The following CTNNA3 variants were observed in gnomAD, a reference collection of about 807,000 sequenced individuals.
CTNNA3 encodes the protein catenin alpha-3.
A neutral mutation model predicts 95.7 loss-of-function variants in CTNNA3; 76 were observed. That is an observed-to-expected ratio of 0.79 (90% confidence interval 0.66 to 0.96). The LOEUF (loss-of-function observed/expected upper bound fraction) is 0.96. CTNNA3 is among the 40% of genes least tolerant of loss of function. CTNNA3 has a pLI of 0.00. For missense variants in CTNNA3, 1,191 were observed against 1,089.8 expected, an observed-to-expected ratio of 1.09 and a Z score of -1.31; for synonymous variants, 431 against 374.4, an observed-to-expected ratio of 1.15 and a Z score of -1.74.
chr10:66,346,232 TATATATATATATATAGAGAGAGAG>T (rs1429918333), intron 12 of CTNNA3, among the ~76,000 whole-genome samples: 845 of 61,144 alleles, frequency 0.014, 3 homozygotes, highest in African/African-American at 0.038. Flanking sequence ...TATATATATA[TATATATATATATATAGAGAGAGAG>T]AGAGAGAGAG....
intron 10 of CTNNA3, among the ~76,000 whole-genome samples, chr10:66,568,534 G>A (rs1310410252): frequency 2.6e-5 from 4 of 151,926 alleles, no homozygotes; most frequent in African/African-American, 9.7e-5. Flanking sequence ...ATATATCTTG[G>A]GGGTGGCCAC....
intron 7 of CTNNA3, among the ~76,000 whole-genome samples, chr10:66,788,052 C>G (rs1840817225): frequency 6.6e-6 from 1 of 152,272 alleles, no homozygotes; most frequent in South Asian, 2.1e-4. Flanking sequence ...CTTAGGTTTA[C>G]AAGTCAAACT....
intron 7 of CTNNA3, among the ~76,000 whole-genome samples, chr10:66,917,857 T>G (rs893495551): frequency 6.6e-6 from 1 of 152,236 alleles, no homozygotes; most frequent in African/African-American, 2.4e-5. Flanking sequence ...GAACACTGAC[T>G]GACTTTACAT....
chr10:66,407,508 G>A (rs1456898505), intron 11 of CTNNA3, among the ~76,000 whole-genome samples: 1 of 151,796 alleles, frequency 6.6e-6, no homozygotes, highest in Non-Finnish European at 1.5e-5. Flanking sequence ...TTCTTTCTTA[G>A]TTCTTTAATT....
chr10:67,480,465 G>T (rs1333813599), intron 5 of CTNNA3, among the ~76,000 whole-genome samples: 1 of 152,196 alleles, frequency 6.6e-6, no homozygotes, highest in Non-Finnish European at 1.5e-5. Flanking sequence ...TGGCTTGATG[G>T]CTATGATGCC....
intron 9 of CTNNA3, among the ~76,000 whole-genome samples, chr10:66,728,554 A>G: frequency 6.6e-6 from 1 of 151,686 alleles, no homozygotes; most frequent in East Asian, 1.9e-4. Context: ...TAGCGTTTTT[A>G]TATTACAGTT....
chr10:66,867,097 G>A (rs760540032), intron 7 of CTNNA3, among the ~76,000 whole-genome samples: 8 of 150,670 alleles, frequency 5.3e-5, no homozygotes, highest in African/African-American at 7.5e-5. Flanking sequence ...CCCTGGCCAC[G>A]TGGAACTGTG....
At position 65,996,123 on chromosome 10, in the gene CTNNA3, G is replaced by A. The variant is rs534140593; in HGVS notation, c.2160-7326C>T. Among the ~76,000 whole-genome samples the A allele has an allele frequency of 3.3e-5, 5 of 152,298 alleles. No individual in the cohort carries two copies. The East Asian group carries it at 5.8e-4, about 18-fold the overall frequency. On this transcript the variant is annotated intron_variant, in intron 15 of 17. Transcript: ENST00000433211. ...TCAGTGACAGCAGCCACAGCCAGTT[G>A]GCTCTCAGGCTCTTGGAAGTATACG...
chr10:66,773,920 C>T (rs1840192703), intron 8 of CTNNA3, among the ~76,000 whole-genome samples: 1 of 152,092 alleles, frequency 6.6e-6, no homozygotes, highest in Admixed American at 6.5e-5. Context: ...AGATGAACAA[C>T]TTTTTAAATA....
At chr10:66,982,322 AAC>A (rs1341781745) in intron 7 of CTNNA3, among the ~76,000 whole-genome samples, 1 of 152,206 alleles carries the variant, frequency 6.6e-6, no homozygotes, top group Admixed American at 6.5e-5. Flanking sequence ...TTTGGAGTCA[AAC>A]AGAATTAGTT....
At chr10:67,372,533 C>G (rs1369738499) in intron 5 of CTNNA3, among the ~76,000 whole-genome samples, 1 of 152,148 alleles carries the variant, frequency 6.6e-6, no homozygotes, top group African/African-American at 2.4e-5. Flanking sequence ...GAGAATGGAA[C>G]CAAGTTGGAA....
chr10:66,324,908 A>G (rs1055352397), intron 12 of CTNNA3, among the ~76,000 whole-genome samples: 4 of 122,600 alleles, frequency 3.3e-5, no homozygotes, highest in Non-Finnish European at 7.2e-5. Flanking sequence ...TCATAATTTT[A>G]CAACAAAACA....
intron 13 of CTNNA3, among the ~76,000 whole-genome samples, chr10:66,221,844 G>C (rs2088946648): frequency 6.6e-6 from 1 of 152,162 alleles, no homozygotes. Context: ...GCTACAATTT[G>C]TCAGTCAAGT....
At chr10:67,501,127 C>T (rs183689197) in intron 5 of CTNNA3, among the ~76,000 whole-genome samples, 133 of 152,258 alleles carry the variant, frequency 8.7e-4, no homozygotes, top group Non-Finnish European at 1.3e-3. Flanking sequence ...CATATTAGTG[C>T]TTCCTTCAGA....
At chr10:66,003,329 G>GTGT (rs1554828016) in intron 15 of CTNNA3, among the ~76,000 whole-genome samples, 1 of 149,846 alleles carries the variant, frequency 6.7e-6, no homozygotes, top group Non-Finnish European at 1.5e-5. Context: ...TGGTGGTGGT[G>GTGT]GTGTGTGTGT....
intron 3 of CTNNA3, among the ~76,000 whole-genome samples, chr10:67,547,706 C>A (rs1055932325): frequency 7.9e-5 from 12 of 152,012 alleles, no homozygotes; most frequent in African/African-American, 2.7e-4. Context: ...AGAGTGAAAC[C>A]CAAAGGAGCA....
At chr10:66,216,783 T>G (rs1671638532) in intron 13 of CTNNA3, among the ~76,000 whole-genome samples, 1 of 152,180 alleles carries the variant, frequency 6.6e-6, no homozygotes, top group African/African-American at 2.4e-5. Context: ...CCCAGTTTCT[T>G]CCAATGGTTC....
chr10:66,259,180 C>T (rs2090903474), intron 13 of CTNNA3, among the ~76,000 whole-genome samples: 1 of 152,170 alleles, frequency 6.6e-6, no homozygotes, highest in Non-Finnish European at 1.5e-5. Context: ...CAGCAACTTC[C>T]ATTTACATGG....
chr10:66,197,711 A>G (rs1372621395), intron 13 of CTNNA3, among the ~76,000 whole-genome samples: 1 of 152,176 alleles, frequency 6.6e-6, no homozygotes, highest in Non-Finnish European at 1.5e-5. Flanking sequence ...ACATGTCACA[A>G]AGAATTTTAG....
Sources: gnomAD v4.1 joint callset for allele counts (sites outside exome capture counted in the v4.1 genomes callset) on GRCh38, gnomAD v4.1.1 for gene constraint, MANE v1.5 for transcripts, NCBI Gene and HGNC (gene_info 2026-07-23, HGNC 2026-07-21) for gene names.